DISC1: variants seen among roughly 807,000 people sequenced by gnomAD.
DISC1 encodes the protein DISC1 scaffold protein.
DISC1 carries 57 observed loss-of-function variants against 84.5 expected under a neutral mutation model. The observed-to-expected ratio is 0.67, with a 90% CI of 0.55 to 0.84. DISC1 has a LOEUF of 0.84. DISC1 is among the 40% of genes least tolerant of loss of function. DISC1 has a pLI of 0.00. For synonymous variants in DISC1, 411 were observed against 415.2 expected, an observed-to-expected ratio of 0.99 and a Z score of 0.12; for missense variants, 1,000 against 1,057.8, an observed-to-expected ratio of 0.95 and a Z score of 0.76.
chr1:232,008,883 T>A lies in DISC1; in HGVS notation c.2141T>A (p.Leu714Gln). Residue 714 changes from leucine to glutamine, a missense_variant, in exon 11 of 13, where the codon CTG becomes CAG. By Grantham distance (113) the Leu-to-Gln change is moderately radical. Around this residue, in one of 3 missense-constraint regions of DISC1, gnomAD observed 397 missense variants for 377.5 expected, o/e 1.05. Coordinates refer to ENST00000439617, the MANE Select transcript of DISC1 (RefSeq NM_018662.3). ...SLQLQEARGSLSVEDERQMDD... is the reference protein window; with the variant it reads ...SLQLQEARGSQSVEDERQMDD... ...CAGCTCCAGGAAGCCAGGGGAAGCCTGTCTGTAGAAGATGAGAGGCAGATG... is the reference window on the plus strand; with the variant it reads ...CAGCTCCAGGAAGCCAGGGGAAGCCAGTCTGTAGAAGATGAGAGGCAGATG... 6.2e-7 allele frequency: 1 copy of A among 1,613,812 alleles called. No homozygotes were observed. Among genetic ancestry groups the A allele is most frequent in the Non-Finnish European group, 8.5e-7 (1 of 1,179,804 alleles).
intron 9 of DISC1, among the ~76,000 whole-genome samples, chr1:231,934,624 A>G (rs1236990172): frequency 4.6e-5 from 7 of 152,206 alleles, no homozygotes; most frequent in African/African-American, 1.7e-4. Flanking sequence ...TGTAACGTAT[A>G]TATTGTTACC....
At chr1:231,845,042 C>T (rs1319125151) in intron 9 of DISC1, among the ~76,000 whole-genome samples, 1 of 152,152 alleles carries the variant, frequency 6.6e-6, no homozygotes, top group Non-Finnish European at 1.5e-5. Flanking sequence ...GCTGAAGCCT[C>T]CAGGTGGCAG....
At chr1:231,762,860 T>G (rs1404385467) in intron 4 of DISC1, among the ~76,000 whole-genome samples, 1 of 152,166 alleles carries the variant, frequency 6.6e-6, no homozygotes, top group Non-Finnish European at 1.5e-5. Flanking sequence ...TTCCCCATAG[T>G]TCGCTCCATA....
rs1283686411 is a variant in DISC1, at chr1:231,795,296, GGT to G, written c.1689+1_1689+2del. 6.2e-7 allele frequency: 1 copy of G among 1,612,252 alleles called. No individual in the cohort carries two copies. The highest frequency in any genetic ancestry group is 1.3e-5 in the African/African-American group (1 of 74,874). On this transcript the variant is annotated splice_donor_variant, in intron 7 of 12. Transcript: ENST00000439617. LOFTEE classifies it high-confidence loss of function. ...TGTCACTTAAAGAAATCACTACTAA[GGT>G]AAGTACCTTTATATTCCCATTTTCC...
At chr1:231,960,347 A>G (rs1443420381) in intron 10 of DISC1, among the ~76,000 whole-genome samples, 2 of 152,090 alleles carry the variant, frequency 1.3e-5, no homozygotes, top group African/African-American at 4.8e-5. Context: ...TCTGCCTCCC[A>G]GGTACTAGCG....
rs570674884 is a variant in DISC1, at chr1:231,916,354, A to G, written c.1982-42474A>G. On this transcript the variant is annotated intron_variant, in intron 9 of 12. Coordinates refer to ENST00000439617, the MANE Select transcript of DISC1 (RefSeq NM_018662.3). ...TATTACACTTTTTTTCTTTCCTTCA[A>G]ATATCCACAATCTAAATTGTGTTCA... is the stretch of plus-strand genomic sequence containing the variant. 7.2e-5 allele frequency among the ~76,000 whole-genome samples: 11 copies of G among 152,214 alleles called. No individual in the cohort carries two copies. The South Asian group carries it at 1.9e-3, about 26-fold the overall frequency.
chr1:232,040,814 A>G lies in DISC1; in HGVS notation c.*3983A>G, dbSNP rs1338339669. The G allele has an allele frequency of 1.3e-5, 2 of 152,098 alleles. No individual in the cohort carries two copies. The highest frequency in any genetic ancestry group is 2.9e-5 in the Non-Finnish European group (2 of 68,024). The allele number at this position is 152,098 out of a possible 1,614,324, so 9.4% of individuals were successfully genotyped here. A position where few individuals can be genotyped will look rare whatever the true frequency, so the allele number is the denominator to read the frequency against. Reference sequence around the variant, plus strand: ...GGCTCAGACAGGCATCAACAAACCTATTCACCCCACCATCATCCTGATCTA... The same window carrying G: ...GGCTCAGACAGGCATCAACAAACCTGTTCACCCCACCATCATCCTGATCTA... On this transcript the variant is annotated 3_prime_UTR_variant, in exon 13 of 13. Coordinates refer to ENST00000439617, the MANE Select transcript of DISC1 (RefSeq NM_018662.3).
intron 9 of DISC1, among the ~76,000 whole-genome samples, chr1:231,846,815 C>T (rs1371212319): frequency 6.6e-6 from 1 of 152,058 alleles, no homozygotes; most frequent in Non-Finnish European, 1.5e-5. Context: ...CAGGTATTTG[C>T]CTGTGATTAG....
At chr1:231,819,175 G>A in intron 9 of DISC1, 1 of 967,368 alleles carries the variant, frequency 1.0e-6, no homozygotes, top group Non-Finnish European at 1.2e-6. Flanking sequence ...CTTAAAAAAT[G>A]GTTCCTAAAT....
chr1:232,017,038 G>A (rs1668546332), intron 11 of DISC1, among the ~76,000 whole-genome samples: 3 of 152,152 alleles, frequency 2.0e-5, no homozygotes. Flanking sequence ...AAATACATGT[G>A]AAATATATTC....
chr1:231,802,840 CTTT>C (rs1040564709), intron 8 of DISC1, among the ~76,000 whole-genome samples: 1 of 151,044 alleles, frequency 6.6e-6, no homozygotes, highest in African/African-American at 2.4e-5. Context: ...CTACAAGGAT[CTTT>C]TTTTTTCTAG....
intron 9 of DISC1, among the ~76,000 whole-genome samples, chr1:231,821,377 A>G (rs1203587136): frequency 6.6e-6 from 1 of 152,174 alleles, no homozygotes; most frequent in Non-Finnish European, 1.5e-5. Flanking sequence ...TAGAAAAGGA[A>G]CTGAAATATG....
At chr1:231,916,170 TG>T (rs1169829081) in intron 9 of DISC1, among the ~76,000 whole-genome samples, 1 of 152,090 alleles carries the variant, frequency 6.6e-6, no homozygotes, top group Non-Finnish European at 1.5e-5. Context: ...TTCTGCAACT[TG>T]GGGGGCTTTG....
At chr1:231,867,823 G>C (rs2085168987) in intron 9 of DISC1, among the ~76,000 whole-genome samples, 1 of 152,336 alleles carries the variant, frequency 6.6e-6, no homozygotes, top group South Asian at 2.1e-4. Context: ...ACTATGTATG[G>C]CTTAATGAAA....
intron 1 of DISC1, among the ~76,000 whole-genome samples, chr1:231,653,403 C>T (rs1440480923): frequency 6.6e-6 from 1 of 152,106 alleles, no homozygotes; most frequent in African/African-American, 2.4e-5. Context: ...GTTGCCCTGG[C>T]CCTTGCTGCT....
chr1:231,851,123 A>G (rs975309988), intron 9 of DISC1, among the ~76,000 whole-genome samples: 1 of 152,148 alleles, frequency 6.6e-6, no homozygotes, highest in Non-Finnish European at 1.5e-5. Context: ...CTTACTGTAC[A>G]TTCTCATCCA....
chr1:231,638,717 C>T (rs1255636507), intron 1 of DISC1, among the ~76,000 whole-genome samples: 1 of 152,064 alleles, frequency 6.6e-6, no homozygotes, highest in Non-Finnish European at 1.5e-5. Flanking sequence ...TATTTTTATA[C>T]CAGCCTATTT....
intron 9 of DISC1, chr1:231,866,666 C>A: frequency 1.3e-6 from 2 of 1,496,236 alleles, no homozygotes; most frequent in Non-Finnish European, 1.8e-6. Flanking sequence ...ATTGAAAGGG[C>A]ATTGAAGAGA....
intron 10 of DISC1, among the ~76,000 whole-genome samples, chr1:231,977,328 A>T (rs560799655): frequency 2.0e-5 from 3 of 152,350 alleles, no homozygotes; most frequent in African/African-American, 7.2e-5. Context: ...CACTGGATAA[A>T]GTCAAGGTGT....
Sources: gnomAD v4.1 joint callset for allele counts (sites outside exome capture counted in the v4.1 genomes callset) on GRCh38, gnomAD v4.1.1 for gene constraint, gnomAD v4.1.1 regional missense constraint, MANE v1.5 for transcripts, NCBI Gene and HGNC (gene_info 2026-07-23, HGNC 2026-07-21) for gene names.